ENTREP2: variants seen among roughly 807,000 people sequenced by gnomAD.
ENTREP2 encodes protein ENTREP2.
At chr15:29,418,115 C>T in the ENTREP2 span, among the ~76,000 whole-genome samples, 2 of 152,152 alleles carry the variant, frequency 1.3e-5, no homozygotes, top group African/African-American at 4.8e-5. Flanking sequence ...CTAAGTTATG[C>T]ACATCAGAAA....
At chr15:29,560,415 A>G in the ENTREP2 span, among the ~76,000 whole-genome samples, 2 of 152,190 alleles carry the variant, frequency 1.3e-5, no homozygotes, top group East Asian at 3.8e-4. Flanking sequence ...AGAAGTGTCC[A>G]GTGGGGCAGA....
chr15:29,188,017 T>C, the ENTREP2 span, among the ~76,000 whole-genome samples: 3 of 152,120 alleles, frequency 2.0e-5, no homozygotes, highest in Non-Finnish European at 4.4e-5. Context: ...GCTGAACAGG[T>C]GGACATGGCT....
chr15:29,670,823 T>C, the ENTREP2 span, among the ~76,000 whole-genome samples: 3 of 152,138 alleles, frequency 2.0e-5, no homozygotes, highest in Non-Finnish European at 4.4e-5. Context: ...ATAAGAAACA[T>C]AGATTTGGTC....
At chr15:29,464,639 C>T in the ENTREP2 span, among the ~76,000 whole-genome samples, 1 of 152,128 alleles carries the variant, frequency 6.6e-6, no homozygotes, top group Non-Finnish European at 1.5e-5. Flanking sequence ...TAGAGAAATG[C>T]TGAGCAGATG....
the ENTREP2 span, among the ~76,000 whole-genome samples, chr15:29,505,606 A>G: frequency 2.0e-5 from 3 of 152,216 alleles, no homozygotes; most frequent in Non-Finnish European, 4.4e-5. The surrounding 1 kb of genome is among the most constrained non-coding windows in gnomAD (Gnocchi z 4.3). Context: ...GGTGATACCC[A>G]GGCAAACAGG....
the ENTREP2 span, among the ~76,000 whole-genome samples, chr15:29,176,008 T>C: frequency 6.6e-6 from 1 of 152,342 alleles, no homozygotes; most frequent in African/African-American, 2.4e-5. Flanking sequence ...GTAGTTTGAT[T>C]AAAGCCCAGG....
chr15:29,489,077 G>A, the ENTREP2 span, among the ~76,000 whole-genome samples: 2 of 152,050 alleles, frequency 1.3e-5, no homozygotes, highest in South Asian at 4.1e-4. Context: ...TGTACTAAAC[G>A]TCAAAGAATT....
At chr15:29,513,787 C>A in the ENTREP2 span, among the ~76,000 whole-genome samples, 1 of 152,216 alleles carries the variant, frequency 6.6e-6, no homozygotes, top group Non-Finnish European at 1.5e-5. Flanking sequence ...GGAGCACCTC[C>A]GAGTCCATGT....
the ENTREP2 span, among the ~76,000 whole-genome samples, chr15:29,656,952 C>T: frequency 6.6e-6 from 1 of 152,166 alleles, no homozygotes; most frequent in African/African-American, 2.4e-5. Flanking sequence ...CCCAAATTTC[C>T]CTCACCTTGT....
chr15:29,581,283 C>A, the ENTREP2 span, among the ~76,000 whole-genome samples: 2 of 152,010 alleles, frequency 1.3e-5, no homozygotes, highest in African/African-American at 2.4e-5. Context: ...GATTAAGTAT[C>A]GTTGATTCTT....
chr15:29,220,544 C>T, the ENTREP2 span, among the ~76,000 whole-genome samples: 2 of 152,096 alleles, frequency 1.3e-5, no homozygotes, highest in Admixed American at 6.6e-5. Flanking sequence ...GAGGAGCTGC[C>T]GCATTCTTTG....
chr15:29,554,990 T>C, the ENTREP2 span, among the ~76,000 whole-genome samples: 9 of 152,228 alleles, frequency 5.9e-5, no homozygotes, highest in South Asian at 1.9e-3. Flanking sequence ...ATTATAGTCA[T>C]TCAATAGAGC....
chr15:29,138,919 C>G, the ENTREP2 span, among the ~76,000 whole-genome samples: 4 of 152,054 alleles, frequency 2.6e-5, no homozygotes. Context: ...AGCCCCAGAA[C>G]AGGTGAGCCA....
At chr15:29,647,847 G>T in the ENTREP2 span, among the ~76,000 whole-genome samples, 1 of 152,096 alleles carries the variant, frequency 6.6e-6, no homozygotes, top group Non-Finnish European at 1.5e-5. Context: ...TTTGCCAAGA[G>T]GTGGGACATG....
At chr15:29,147,694 C>G in the ENTREP2 span, among the ~76,000 whole-genome samples, 38 of 152,336 alleles carry the variant, frequency 2.5e-4, no homozygotes, top group Non-Finnish European at 4.6e-4. Context: ...CTCATGGTCT[C>G]ACGGTGGGAA....
chr15:29,455,242 C>G, the ENTREP2 span, among the ~76,000 whole-genome samples: 15 of 152,166 alleles, frequency 9.9e-5, no homozygotes, highest in African/African-American at 3.6e-4. Context: ...CTGCCCGCCC[C>G]AGCTTACAGG....
At chr15:29,252,279 A>G in the ENTREP2 span, 1 of 753,050 alleles carries the variant, frequency 1.3e-6, no homozygotes, top group Admixed American at 2.7e-5. Context: ...ATGAGAACCT[A>G]AGAATACAGT....
At chr15:29,368,960 A>G in the ENTREP2 span, among the ~76,000 whole-genome samples, 1 of 152,190 alleles carries the variant, frequency 6.6e-6, no homozygotes, top group Admixed American at 6.5e-5. Context: ...GGGGTTAAAG[A>G]GCAGATTTGA....
chr15:29,227,653 G>A, the ENTREP2 span, among the ~76,000 whole-genome samples: 1 of 152,170 alleles, frequency 6.6e-6, no homozygotes, highest in Admixed American at 6.5e-5. Flanking sequence ...CCACCAGGGA[G>A]AGAAGGAGAA....
Sources: gnomAD v4.1 joint callset for allele counts (sites outside exome capture counted in the v4.1 genomes callset) on GRCh38, gnomAD v4.1.1 for gene constraint, Gnocchi (gnomAD v3.1) non-coding constraint, MANE v1.5 for transcripts, NCBI Gene and HGNC (gene_info 2026-07-23, HGNC 2026-07-21) for gene names.